The following CYRIB variants were observed in gnomAD, a reference collection of about 807,000 sequenced individuals.
The protein encoded by CYRIB is CYFIP related Rac1 interactor B.
CYRIB carries 8 observed loss-of-function variants against 44.2 expected under a neutral mutation model. The ratio of observed to expected loss-of-function variants is 0.18; its 90% CI spans 0.11 to 0.33. The LOEUF is 0.33. Among genes scored for constraint, CYRIB ranks in the 10% least tolerant of loss-of-function variants. CYRIB has a pLI of 1.00. For missense variants in CYRIB, 185 were observed against 382.8 expected (o/e 0.48, Z 4.31); for synonymous variants, 131 against 127.2 (o/e 1.03, Z -0.20).
intron 2 of CYRIB, among the ~76,000 whole-genome samples, chr8:129,960,962 AAAAG>A (rs567122078): frequency 2.7e-4 from 40 of 150,014 alleles, no homozygotes; most frequent in East Asian, 5.8e-4. Context: ...AAAAAAAAAA[AAAAG>A]AAAGAAAGAA....
intron 1 of CYRIB, among the ~76,000 whole-genome samples, chr8:130,002,163 A>G (rs2096922149): frequency 6.6e-6 from 1 of 152,196 alleles, no homozygotes; most frequent in Non-Finnish European, 1.5e-5. Context: ...TAGGTTTCTT[A>G]GAGAAGAAGA....
At chr8:129,992,213 C>T (rs2096656880) in intron 1 of CYRIB, among the ~76,000 whole-genome samples, 1 of 151,432 alleles carries the variant, frequency 6.6e-6, no homozygotes, top group East Asian at 2.0e-4. Context: ...CCCAGCTATT[C>T]GGAGGGCTGA....
At chr8:130,011,661 C>CA (rs545602036) in intron 1 of CYRIB, among the ~76,000 whole-genome samples, 7,810 of 143,814 alleles carry the variant, frequency 0.054, 632 homozygotes, top group African/African-American at 0.18. Context: ...ACTAAAAATA[C>CA]AAAAAAAAAA....
chr8:129,868,916 G>A (rs1262867948), intron 4 of CYRIB, among the ~76,000 whole-genome samples: 1 of 149,068 alleles, frequency 6.7e-6, no homozygotes, highest in African/African-American at 2.5e-5. Context: ...AAAAAACCCG[G>A]GCTGGGCACA....
intron 1 of CYRIB, among the ~76,000 whole-genome samples, chr8:129,989,778 A>G (rs2096578647): frequency 6.8e-6 from 1 of 147,324 alleles, no homozygotes; most frequent in African/African-American, 2.5e-5. Context: ...ATATCTCCTA[A>G]TGCTATCCCT....
intron 2 of CYRIB, among the ~76,000 whole-genome samples, chr8:129,959,260 A>C (rs370926289): frequency 4.9e-5 from 6 of 122,286 alleles, no homozygotes; most frequent in East Asian, 2.5e-4. Flanking sequence ...AGCCCCAGCC[A>C]CAGCCACAGC....
chr8:129,867,726 C>G (rs2054574665), intron 4 of CYRIB, among the ~76,000 whole-genome samples: 1 of 152,130 alleles, frequency 6.6e-6, no homozygotes, highest in Admixed American at 6.5e-5. Flanking sequence ...CTAATTTTAT[C>G]TTCATAATAA....
chr8:129,851,231 G>A (rs978455459), intron 8 of CYRIB: 6 of 259,058 alleles, frequency 2.3e-5, no homozygotes, highest in Non-Finnish European at 4.4e-5. Flanking sequence ...TATCCTAAGG[G>A]TACTAGGAAG....
intron 4 of CYRIB, among the ~76,000 whole-genome samples, chr8:129,868,875 T>A (rs1442584158): frequency 3.8e-5 from 5 of 130,724 alleles, no homozygotes; most frequent in Non-Finnish European, 8.0e-5. Context: ...ATTCTCCCAA[T>A]GGGAAGTACT....
chr8:130,012,360 G>A (rs1195407478), intron 1 of CYRIB, among the ~76,000 whole-genome samples: 2 of 152,162 alleles, frequency 1.3e-5, no homozygotes, highest in Non-Finnish European at 2.9e-5. Flanking sequence ...AAAGCTTGGA[G>A]GCTCCAAGTT....
chr8:129,930,534 C>CACATTTA (rs2090807509), intron 1 of CYRIB, among the ~76,000 whole-genome samples: 1 of 151,384 alleles, frequency 6.6e-6, no homozygotes, highest in South Asian at 2.1e-4. Flanking sequence ...TTAAAAGACA[C>CACATTTA]ACATTTAAAA....
intron 5 of CYRIB, among the ~76,000 whole-genome samples, chr8:129,856,741 T>C (rs1350575963): frequency 6.6e-6 from 1 of 152,224 alleles, no homozygotes; most frequent in African/African-American, 2.4e-5. Context: ...CCATTTGATT[T>C]TTACCATCAA....
At chr8:129,962,640 G>GACTTAATTTAAT (rs752386472) in intron 2 of CYRIB, among the ~76,000 whole-genome samples, 9,460 of 152,020 alleles carry the variant, frequency 0.062, 400 homozygotes, top group South Asian at 0.2. Flanking sequence ...CTAATTTAAT[G>GACTTAATTTAAT]GTATCCTTAA....
chr8:129,934,482 T>C (rs2092407881), intron 1 of CYRIB, among the ~76,000 whole-genome samples: 1 of 152,208 alleles, frequency 6.6e-6, no homozygotes, highest in Non-Finnish European at 1.5e-5. Context: ...CATTATGTCA[T>C]ATTGCGGCAG....
intron 11 of CYRIB, among the ~76,000 whole-genome samples, chr8:129,845,994 T>C (rs2039748617): frequency 6.6e-6 from 1 of 151,942 alleles, no homozygotes; most frequent in Non-Finnish European, 1.5e-5. Context: ...AAATACAAAA[T>C]ACAGGCACAT....
chr8:129,988,375 CG>C (rs34547285), intron 1 of CYRIB, among the ~76,000 whole-genome samples: 1 of 152,142 alleles, frequency 6.6e-6, no homozygotes, highest in African/African-American at 2.4e-5. Flanking sequence ...TTTCAGGCCC[CG>C]GGGAGAATCT....
intron 2 of CYRIB, among the ~76,000 whole-genome samples, chr8:129,959,080 A>C (rs2095076343): frequency 6.6e-6 from 1 of 151,306 alleles, no homozygotes; most frequent in African/African-American, 2.4e-5. Flanking sequence ...AAAAAAAAAA[A>C]AAAACAAAGG....
intron 3 of CYRIB, among the ~76,000 whole-genome samples, chr8:129,878,854 T>C (rs1185589140): frequency 2.0e-5 from 3 of 151,980 alleles, no homozygotes; most frequent in South Asian, 4.1e-4. Flanking sequence ...AAATACATTC[T>C]ATTTTTTTAA....
chr8:129,864,879 G>A, intron 4 of CYRIB: 1 of 396,186 alleles, frequency 2.5e-6, no homozygotes, highest in Admixed American at 2.9e-5. Flanking sequence ...TAAAGCTATA[G>A]AAGAAGTCCT....
Sources: gnomAD v4.1 joint callset for allele counts (sites outside exome capture counted in the v4.1 genomes callset) on GRCh38, gnomAD v4.1.1 for gene constraint, MANE v1.5 for transcripts, NCBI Gene and HGNC (gene_info 2026-07-23, HGNC 2026-07-21) for gene names.